Variants in FOXO3 observed in about 807,000 individuals in gnomAD.
The protein encoded by FOXO3 is forkhead box O3.
In FOXO3, 4 loss-of-function variants were observed where a neutral mutation model predicts 41.9. That is an observed-to-expected ratio of 0.10 (90% CI 0.05 to 0.22). The LOEUF (loss-of-function observed/expected upper bound fraction) is 0.22. FOXO3 is among the 10% of genes least tolerant of loss of function. The pLI is 1.00. For synonymous variants in FOXO3, 318 were observed against 389.3 expected (o/e 0.82, Z 2.16); for missense variants, 534 against 906.8 (o/e 0.59, Z 5.28).
chr6:108,630,716 C>T (rs1777946596), intron 1 of FOXO3, among the ~76,000 whole-genome samples: 1 of 152,086 alleles, frequency 6.6e-6, no homozygotes, highest in African/African-American at 2.4e-5. Flanking sequence ...AGTCTTACCA[C>T]TTCTCTCTAT....
chr6:108,661,256 A>C (rs4946934), intron 1 of FOXO3, among the ~76,000 whole-genome samples: 7 of 152,010 alleles, frequency 4.6e-5, no homozygotes, highest in African/African-American at 1.7e-4. Context: ...GGCGGGGGGA[A>C]CATTCTGGTA....
chr6:108,562,606 G>A (rs756826154), intron 1 of FOXO3, among the ~76,000 whole-genome samples: 51 of 152,160 alleles, frequency 3.4e-4, no homozygotes, highest in Admixed American at 9.2e-4. Context: ...GAAGGGCTCT[G>A]GTGTGGGGGA....
chr6:108,665,675 A>T (rs542173622), intron 2 of FOXO3, among the ~76,000 whole-genome samples: 1 of 152,234 alleles, frequency 6.6e-6, no homozygotes, highest in African/African-American at 2.4e-5. Context: ...TTAAAAAATT[A>T]GCTGGGTGTG....
intron 1 of FOXO3, among the ~76,000 whole-genome samples, chr6:108,590,847 G>T (rs371343394): frequency 6.6e-6 from 1 of 152,168 alleles, no homozygotes; most frequent in Non-Finnish European, 1.5e-5. Context: ...GGATTGTGGC[G>T]CTTTTTTGAG....
chr6:108,669,377 C>G (rs1779151250), intron 2 of FOXO3, among the ~76,000 whole-genome samples: 1 of 152,080 alleles, frequency 6.6e-6, no homozygotes, highest in South Asian at 2.1e-4. Flanking sequence ...GGGGATAGGA[C>G]TAATTCTAAC....
chr6:108,569,186 T>C (rs974642500), intron 1 of FOXO3, among the ~76,000 whole-genome samples: 1 of 152,160 alleles, frequency 6.6e-6, no homozygotes, highest in Non-Finnish European at 1.5e-5. Context: ...GGAGAGGAGA[T>C]AGCAGACAGT....
intron 1 of FOXO3, among the ~76,000 whole-genome samples, chr6:108,602,480 C>T (rs1389458137): frequency 3.3e-5 from 5 of 151,874 alleles, no homozygotes; most frequent in African/African-American, 1.2e-4. Flanking sequence ...TTGTTTTTTG[C>T]GTGAAGTTTG....
At chr6:108,668,266 T>C (rs1032782248) in intron 2 of FOXO3, among the ~76,000 whole-genome samples, 2 of 152,230 alleles carry the variant, frequency 1.3e-5, no homozygotes, top group African/African-American at 4.8e-5. Flanking sequence ...AGCAAGATGC[T>C]TCTCTGGCGG....
chr6:108,631,586 G>T (rs540534095), intron 1 of FOXO3, among the ~76,000 whole-genome samples: 4 of 151,134 alleles, frequency 2.6e-5, no homozygotes, highest in East Asian at 3.9e-4. Context: ...AAACACATTG[G>T]TTTTTTTTTC....
At chr6:108,673,623 G>A (rs9398172) in intron 2 of FOXO3, among the ~76,000 whole-genome samples, 82,950 of 152,134 alleles carry the variant, frequency 0.55, 26,528 homozygotes, top group East Asian at 0.71. Context: ...GGAAAAGAGC[G>A]CTTTAGAGAT....
chr6:108,634,206 C>T (rs1778052531), intron 1 of FOXO3, among the ~76,000 whole-genome samples: 1 of 152,270 alleles, frequency 6.6e-6, no homozygotes, highest in African/African-American at 2.4e-5. Flanking sequence ...AAACAAAGCA[C>T]TTGGTAAACA....
chr6:108,581,443 T>TA (rs1562232556), intron 1 of FOXO3, among the ~76,000 whole-genome samples: 3 of 152,246 alleles, frequency 2.0e-5, no homozygotes, highest in South Asian at 4.1e-4. Flanking sequence ...GTTAAGCCGT[T>TA]ACAAAATTTC....
At chr6:108,663,314 T>C (rs1299523533) in intron 1 of FOXO3, 141 bp from the exon 2 acceptor site, 1 of 1,331,078 alleles carries the variant, frequency 7.5e-7, no homozygotes, top group Non-Finnish European at 1.0e-6. Flanking sequence ...ACCACTGCAT[T>C]CCAGCATGGG....
chr6:108,571,736 A>G (rs1325259230), intron 1 of FOXO3, among the ~76,000 whole-genome samples: 2 of 152,222 alleles, frequency 1.3e-5, no homozygotes, highest in South Asian at 4.1e-4. Context: ...TTGGACTTCT[A>G]GCCTCCAGGA....
At chr6:108,598,734 A>G (rs1005254511) in intron 1 of FOXO3, among the ~76,000 whole-genome samples, 1 of 152,166 alleles carries the variant, frequency 6.6e-6, no homozygotes, top group Admixed American at 6.5e-5. Flanking sequence ...TGTTCTGGGA[A>G]GCCTCTCATT....
chr6:108,617,812 G>A (rs2356220), intron 1 of FOXO3, among the ~76,000 whole-genome samples: 2,877 of 152,278 alleles, frequency 0.019, 131 homozygotes, highest in Admixed American at 0.09. Context: ...AAAATGCAGT[G>A]TGCTTGTGCA....
chr6:108,593,712 C>CTTTTTTT (rs34228633), intron 1 of FOXO3, among the ~76,000 whole-genome samples: 75 of 83,334 alleles, frequency 9.0e-4, no homozygotes, highest in Middle Eastern at 0.01. Context: ...TTTTCTTCTT[C>CTTTTTTT]TTTTTTTTTT....
intron 1 of FOXO3, among the ~76,000 whole-genome samples, chr6:108,649,179 A>G (rs536709518): frequency 6.6e-6 from 1 of 152,180 alleles, no homozygotes; most frequent in African/African-American, 2.4e-5. Flanking sequence ...CGAATCCCAC[A>G]GGGGTGACAT....
chr6:108,585,765 C>T (rs1040914451), intron 1 of FOXO3, among the ~76,000 whole-genome samples: 5 of 152,188 alleles, frequency 3.3e-5, no homozygotes, highest in Non-Finnish European at 7.4e-5. Context: ...TAGTCTGTAA[C>T]CTTCTAGATT....
Sources: allele counts gnomAD v4.1 joint callset (sites outside exome capture counted in the v4.1 genomes callset), GRCh38; gene constraint gnomAD v4.1.1; transcripts MANE v1.5; gene names NCBI Gene and HGNC (gene_info 2026-07-23, HGNC 2026-07-21).